EPHB1: variants seen among roughly 807,000 people sequenced by gnomAD.
EPHB1 encodes the protein ephrin type-B receptor 1.
A neutral mutation model predicts 94.4 loss-of-function variants in EPHB1; 30 were observed. The ratio of observed to expected loss-of-function variants is 0.32; its 90% CI spans 0.24 to 0.43. The LOEUF (loss-of-function observed/expected upper bound fraction) is 0.43, where lower values mean the gene tolerates loss of function less well. Among genes scored for constraint, EPHB1 ranks in the 20% least tolerant of loss-of-function variants. EPHB1 has a pLI of 1.00. For synonymous variants in EPHB1, 522 were observed against 489.1 expected, an observed-to-expected ratio of 1.07 and a Z score of -0.89; for missense variants, 1,055 against 1,308.3, an observed-to-expected ratio of 0.81 and a Z score of 2.99.
At chr3:134,999,618 T>A (rs1306344747) in intron 3 of EPHB1, among the ~76,000 whole-genome samples, 1 of 152,162 alleles carries the variant, frequency 6.6e-6, no homozygotes, top group Non-Finnish European at 1.5e-5. Context: ...GGAGGAAGGA[T>A]CATCTTCAGA....
At chr3:135,065,286 G>T (rs532222638) in intron 3 of EPHB1, among the ~76,000 whole-genome samples, 1 of 152,238 alleles carries the variant, frequency 6.6e-6, no homozygotes, top group East Asian at 1.9e-4. Context: ...GACCTGTCTA[G>T]TGCTGTCAGT....
intron 15 of EPHB1, among the ~76,000 whole-genome samples, chr3:135,256,845 C>G (rs1473130077): frequency 6.6e-6 from 1 of 151,558 alleles, no homozygotes; most frequent in Non-Finnish European, 1.5e-5. Flanking sequence ...CCATCACTTT[C>G]AGGTACACCA....
chr3:135,229,559 A>T (rs1189751752), intron 12 of EPHB1, among the ~76,000 whole-genome samples: 7 of 152,202 alleles, frequency 4.6e-5, no homozygotes, highest in Non-Finnish European at 1.0e-4. Context: ...GTTGCCATAG[A>T]CAGTCTGTCA....
intron 3 of EPHB1, among the ~76,000 whole-genome samples, chr3:134,984,565 G>A (rs934228779): frequency 6.8e-6 from 1 of 148,128 alleles, no homozygotes; most frequent in African/African-American, 2.5e-5. Flanking sequence ...GCCCTAGAGA[G>A]GGAAGGGCCC....
At chr3:134,992,312 T>C (rs1328380727) in intron 3 of EPHB1, among the ~76,000 whole-genome samples, 1 of 152,080 alleles carries the variant, frequency 6.6e-6, no homozygotes, top group Non-Finnish European at 1.5e-5. Flanking sequence ...GAGTCTCTCA[T>C]TTCAAGCCAT....
chr3:135,127,993 G>A (rs1940271959), intron 4 of EPHB1, among the ~76,000 whole-genome samples: 1 of 152,174 alleles, frequency 6.6e-6, no homozygotes, highest in South Asian at 2.1e-4. Flanking sequence ...TAAAAGGACT[G>A]AATTTCCTTA....
At chr3:134,890,776 C>G (rs2037963640) in intron 1 of EPHB1, among the ~76,000 whole-genome samples, 1 of 152,078 alleles carries the variant, frequency 6.6e-6, no homozygotes, top group African/African-American at 2.4e-5. Flanking sequence ...AAAACATGGA[C>G]CTTATCTTTT....
At chr3:135,066,592 C>G (rs1423374532) in intron 3 of EPHB1, among the ~76,000 whole-genome samples, 1 of 152,070 alleles carries the variant, frequency 6.6e-6, no homozygotes, top group Non-Finnish European at 1.5e-5. Context: ...AATATTTCTC[C>G]CTTCACTTCT....
chr3:134,919,227 C>G (rs907604936), intron 1 of EPHB1, among the ~76,000 whole-genome samples: 2 of 152,238 alleles, frequency 1.3e-5, no homozygotes, highest in South Asian at 2.1e-4. Flanking sequence ...CAGCTGGGCC[C>G]CAGGGAAGTT....
intron 3 of EPHB1, among the ~76,000 whole-genome samples, chr3:135,079,077 A>G (rs1022614677): frequency 2.1e-5 from 3 of 141,122 alleles, no homozygotes; most frequent in Non-Finnish European, 4.5e-5. Flanking sequence ...GGACATACGT[A>G]AAAACAAGCA....
intron 4 of EPHB1, among the ~76,000 whole-genome samples, chr3:135,114,713 A>G (rs1939612891): frequency 7.2e-6 from 1 of 139,670 alleles, no homozygotes; most frequent in Non-Finnish European, 1.5e-5. Flanking sequence ...ATAGAGCAAG[A>G]CTCTGTCTCA....
chr3:134,853,707 C>G (rs1436373906), intron 1 of EPHB1, among the ~76,000 whole-genome samples: 1 of 152,194 alleles, frequency 6.6e-6, no homozygotes, highest in East Asian at 1.9e-4. Context: ...GTGAACCTGC[C>G]TGCAGAAGCA....
chr3:135,259,259 G>A lies in EPHB1; in HGVS notation c.*139G>A. 1 of 629,876 alleles carries A rather than the reference G, an allele frequency of 1.6e-6. No individual in the cohort carries two copies. Among genetic ancestry groups the A allele is most frequent in the South Asian group, 2.5e-5 (1 of 39,542 alleles). 39.0% of individuals were successfully genotyped at this position (629,876 alleles called of 1,614,324 possible). ...ATTTCCATCAGTGAAGAATCAACCGGACCTGTTGCTAGCAGGCAATCTCCA... is the reference window on the plus strand; with the variant it reads ...ATTTCCATCAGTGAAGAATCAACCGAACCTGTTGCTAGCAGGCAATCTCCA... On this transcript the variant is annotated 3_prime_UTR_variant, in exon 16 of 16. Coordinates refer to ENST00000398015, the MANE Select transcript of EPHB1 (RefSeq NM_004441.5).
intron 6 of EPHB1, among the ~76,000 whole-genome samples, chr3:135,159,000 A>G (rs1025932869): frequency 5.3e-5 from 8 of 152,114 alleles, no homozygotes; most frequent in Non-Finnish European, 1.0e-4. Context: ...AAATAACTGG[A>G]CCGAAGTTTA....
intron 1 of EPHB1, among the ~76,000 whole-genome samples, chr3:134,852,142 C>G (rs2036998892): frequency 6.6e-6 from 1 of 152,174 alleles, no homozygotes; most frequent in Non-Finnish European, 1.5e-5. Flanking sequence ...CAGGAGAGTC[C>G]ATGGCCATCT....
chr3:135,238,761 C>G (rs1383088906), intron 12 of EPHB1, among the ~76,000 whole-genome samples: 1 of 152,168 alleles, frequency 6.6e-6, no homozygotes, highest in Non-Finnish European at 1.5e-5. Context: ...CACACACACA[C>G]AGTATACTAA....
intron 3 of EPHB1, among the ~76,000 whole-genome samples, chr3:135,041,236 A>G (rs1224875099): frequency 2.0e-5 from 3 of 152,128 alleles, no homozygotes; most frequent in African/African-American, 7.2e-5. Flanking sequence ...CAGAGAGAAT[A>G]GCTCCCAGTG....
At chr3:135,224,676 A>G (rs1220010810) in intron 12 of EPHB1, among the ~76,000 whole-genome samples, 1 of 152,190 alleles carries the variant, frequency 6.6e-6, no homozygotes, top group Non-Finnish European at 1.5e-5. Context: ...GATGAGTCTT[A>G]TCTGAACTAG....
At chr3:135,229,604 T>A (rs1576485052) in intron 12 of EPHB1, among the ~76,000 whole-genome samples, 1 of 152,082 alleles carries the variant, frequency 6.6e-6, no homozygotes, top group East Asian at 1.9e-4. Context: ...GAAAAAATAA[T>A]TGAAGGCCAT....
Sources: allele counts gnomAD v4.1 joint callset (sites outside exome capture counted in the v4.1 genomes callset), GRCh38; gene constraint gnomAD v4.1.1; transcripts MANE v1.5; gene names NCBI Gene and HGNC (gene_info 2026-07-23, HGNC 2026-07-21).